VPS37A: variants seen among roughly 807,000 people sequenced by gnomAD.
The protein encoded by VPS37A is vacuolar protein sorting-associated protein 37A.
VPS37A carries 30 observed loss-of-function variants against 49.8 expected under a neutral mutation model. That is an observed-to-expected ratio of 0.60 (90% confidence interval 0.45 to 0.82). The LOEUF (loss-of-function observed/expected upper bound fraction) is 0.82, where lower values mean the gene tolerates loss of function less well. VPS37A is among the 40% of genes least tolerant of loss of function. The pLI, the probability that VPS37A is intolerant of heterozygous loss-of-function variation, is 0.00. For synonymous variants in VPS37A, 195 were observed against 160.6 expected (o/e 1.21, Z -1.62); for missense variants, 593 against 464.4 (o/e 1.28, Z -2.55).
chr8:17,299,230 A>T (rs1366441095), downstream of VPS37A: 2 of 152,250 alleles, frequency 1.3e-5, no homozygotes, highest in African/African-American at 4.8e-5. Context: ...TAATGAGGAG[A>T]AACAGACTAT....
At chr8:17,263,345 AATT>A (rs1168277037) in intron 1 of VPS37A, among the ~76,000 whole-genome samples, 2 of 152,132 alleles carry the variant, frequency 1.3e-5, no homozygotes, top group Non-Finnish European at 2.9e-5. Context: ...ATATTCAGGG[AATT>A]ATTCCTGTTT....
chr8:17,293,494 C>G (rs1336580615), intron 11 of VPS37A, among the ~76,000 whole-genome samples: 2 of 151,980 alleles, frequency 1.3e-5, no homozygotes, highest in Non-Finnish European at 2.9e-5. Context: ...AGTTTTGTTC[C>G]CTTGCTGGCG....
chr8:17,280,299 T>A lies in VPS37A; in HGVS notation c.900+2T>A. On this transcript the variant is annotated splice_donor_variant, in intron 8 of 11. Transcript: ENST00000324849. LOFTEE classifies it high-confidence loss of function. ...AAAAGACAAACTGTTTTAGATAAGGTGAGTTAGTGATAATTTTGAAGAAAT... is the reference window on the plus strand; with the variant it reads ...AAAAGACAAACTGTTTTAGATAAGGAGAGTTAGTGATAATTTTGAAGAAAT... The A allele has an allele frequency of 6.2e-7, 1 of 1,610,572 alleles. No homozygotes were observed. The highest frequency in any genetic ancestry group is 8.5e-7 in the Non-Finnish European group (1 of 1,178,714).
chr8:17,268,800 GACTTT>G, intron 3 of VPS37A, 51 bp from the exon 4 acceptor site: 1 of 1,180,604 alleles, frequency 8.5e-7, no homozygotes, highest in Non-Finnish European at 1.2e-6. Context: ...ATCCTAATGA[GACTTT>G]ATAATCTTTT....
intron 6 of VPS37A, among the ~76,000 whole-genome samples, chr8:17,278,690 A>C (rs954807298): frequency 6.6e-6 from 1 of 152,020 alleles, no homozygotes; most frequent in Non-Finnish European, 1.5e-5. Flanking sequence ...ATGCAGGTTA[A>C]ATTTTTGTTT....
chr8:17,270,773 G>T (rs1173665892), intron 4 of VPS37A, among the ~76,000 whole-genome samples: 1 of 152,082 alleles, frequency 6.6e-6, no homozygotes. Flanking sequence ...TTTCCTATAG[G>T]TGAATAGGCA....
intron 1 of VPS37A, among the ~76,000 whole-genome samples, chr8:17,262,548 T>G (rs1033162773): frequency 1.3e-5 from 2 of 151,392 alleles, no homozygotes; most frequent in Non-Finnish European, 2.9e-5. Flanking sequence ...TCTCTTGTGG[T>G]GTGATTAAAA....
Position 17,274,776 on chromosome 8 carries a change from G to T in VPS37A, c.460G>T (p.Gly154Cys), listed in dbSNP as rs773396639. Reference sequence around the variant, plus strand: ...TGGGATGTCTCCTTATGCTTCTCAGGGTTTTCCATTTCTTCCTCCATATCC... The same window carrying T: ...TGGGATGTCTCCTTATGCTTCTCAGTGTTTTCCATTTCTTCCTCCATATCC... ...PSGMSPYASQ[G>C]FPFLPPYPPQ... Residue 154 changes from glycine to cysteine, a missense_variant, in exon 5 of 12, where the codon GGT (glycine) becomes TGT (cysteine). Physicochemically the swap from Gly to Cys is radical, Grantham distance 159. Transcript: ENST00000324849. 1 of 1,613,920 alleles carries T rather than the reference G, an allele frequency of 6.2e-7. No individual in the cohort carries two copies. The highest frequency in any genetic ancestry group is 8.5e-7 in the Non-Finnish European group (1 of 1,179,966).
intron 4 of VPS37A, among the ~76,000 whole-genome samples, chr8:17,272,630 C>T (rs1301520734): frequency 6.6e-6 from 1 of 152,094 alleles, no homozygotes; most frequent in Non-Finnish European, 1.5e-5. Context: ...GATTTAAATT[C>T]AAAGATATTA....
downstream of VPS37A, chr8:17,299,629 G>T: frequency 1.8e-6 from 1 of 544,192 alleles, no homozygotes; most frequent in African/African-American, 1.9e-5. Flanking sequence ...CATAGTCTAG[G>T]GTGAGCTTCA....
intron 11 of VPS37A, among the ~76,000 whole-genome samples, chr8:17,290,231 C>T (rs931247852): frequency 6.6e-6 from 1 of 152,010 alleles, no homozygotes; most frequent in African/African-American, 2.4e-5. Flanking sequence ...ACTTCCAGTA[C>T]TGTGTTGAAT....
intron 11 of VPS37A, among the ~76,000 whole-genome samples, chr8:17,288,462 C>A (rs1442238328): frequency 6.6e-6 from 1 of 152,146 alleles, no homozygotes; most frequent in Non-Finnish European, 1.5e-5. Context: ...TGAGTGAGAA[C>A]ATGCATTAGT....
chr8:17,304,544 A>T, downstream of VPS37A: 1 of 1,604,974 alleles, frequency 6.2e-7, no homozygotes, highest in Non-Finnish European at 8.5e-7. Context: ...ATAAGTCTAT[A>T]AATGACCTAT....
At chr8:17,331,369 C>A in the VPS37A span, 1 of 1,359,912 alleles carries the variant, frequency 7.4e-7, no homozygotes, top group Non-Finnish European at 9.9e-7. Context: ...GATACCCAAT[C>A]AAAGCATTCA....
intron 1 of VPS37A, among the ~76,000 whole-genome samples, chr8:17,256,142 A>G (rs1351897073): frequency 1.3e-5 from 2 of 151,466 alleles, no homozygotes; most frequent in Admixed American, 6.6e-5. Context: ...AGGAACCTCC[A>G]TACTGTTCTC....
At chr8:17,269,031 A>T in intron 4 of VPS37A, 75 bp downstream of exon 4, 1 of 1,056,732 alleles carries the variant, frequency 9.5e-7, no homozygotes, top group Non-Finnish European at 1.3e-6. Context: ...TTAAAAATTC[A>T]AATGATGTTA....
the VPS37A span, among the ~76,000 whole-genome samples, chr8:17,320,111 C>T: frequency 5.3e-5 from 8 of 151,850 alleles, no homozygotes; most frequent in Admixed American, 1.3e-4. Flanking sequence ...AAATAAAATA[C>T]ATTATGAAAA....
chr8:17,261,757 A>T (rs1345857099), intron 1 of VPS37A, among the ~76,000 whole-genome samples: 1 of 152,222 alleles, frequency 6.6e-6, no homozygotes, highest in Non-Finnish European at 1.5e-5. Context: ...GGGATATCCC[A>T]ACAGTGTGGG....
intron 3 of VPS37A, 73 bp from the exon 4 acceptor site, chr8:17,268,783 T>TAA (rs1813709546): frequency 1.0e-6 from 1 of 988,712 alleles, no homozygotes; most frequent in African/African-American, 1.6e-5. Context: ...ATATTTAGAG[T>TAA]GACATTATCC....
Sources: allele counts gnomAD v4.1 joint callset (sites outside exome capture counted in the v4.1 genomes callset), GRCh38; gene constraint gnomAD v4.1.1; transcripts MANE v1.5; gene names NCBI Gene and HGNC (gene_info 2026-07-23, HGNC 2026-07-21).